HTR2A: variants seen among roughly 807,000 people sequenced by gnomAD.
The protein encoded by HTR2A is 5-HT2 receptor.
Under a neutral mutation model 31.0 loss-of-function variants are expected in HTR2A, and 14 were observed. The observed-to-expected ratio is 0.45, with a 90% CI of 0.30 to 0.71. The LOEUF (loss-of-function observed/expected upper bound fraction) is 0.71, where lower values mean the gene tolerates loss of function less well. Among genes scored for constraint, HTR2A ranks in the 30% least tolerant of loss-of-function variants. HTR2A has a pLI of 0.09. For missense variants in HTR2A, 442 were observed against 573.3 expected (o/e 0.77, Z 2.34); for synonymous variants, 209 against 225.2 (o/e 0.93, Z 0.64).
At position 46,886,094 on chromosome 13, in the gene HTR2A, A is replaced by G. The variant is rs117645639; in HGVS notation, c.613+6296T>C. On this transcript the variant is annotated intron_variant, in intron 3 of 3. Coordinates refer to ENST00000542664, the MANE Select transcript of HTR2A (RefSeq NM_000621.5). ...TTATGTATATATTCTTCTTTATGGC[A>G]TCTGCATTTTTTGACTTGCTTTTAA... Among the ~76,000 whole-genome samples the G allele has an allele frequency of 5.1e-3, 771 of 152,292 alleles. 5 individuals carry two copies. Among genetic ancestry groups the G allele is most frequent in the Non-Finnish European group, 6.9e-3 (469 of 68,026 alleles).
At position 46,831,638 on chromosome 13, in the gene HTR2A, T is replaced by C. The variant is rs1281188536; in HGVS notation, c.*3199A>G. 1 of 152,264 alleles carries C rather than the reference T, an allele frequency of 6.6e-6. No individual in the cohort carries two copies. The highest frequency in any genetic ancestry group is 2.4e-5 in the African/African-American group (1 of 41,476). The allele number at this position is 152,264 out of a possible 1,614,324, so 9.4% of individuals were successfully genotyped here. ...TTAAAATAAGTTCATAAAATAATCT[T>C]CACTGTATTTGTTACATATGGCACA... On this transcript the variant is annotated 3_prime_UTR_variant, in exon 4 of 4. Transcript: ENST00000542664.
At chr13:46,869,682 A>G (rs1427293986) in intron 3 of HTR2A, among the ~76,000 whole-genome samples, 2 of 152,154 alleles carry the variant, frequency 1.3e-5, no homozygotes, top group Non-Finnish European at 1.5e-5. Flanking sequence ...TCAACAGATG[A>G]ATGAATAAAA....
chr13:46,896,662 A>G lies in HTR2A; in HGVS notation c.-329+12T>C, dbSNP rs1951107375. On this transcript the variant is annotated intron_variant, in intron 1 of 3. Coordinates refer to ENST00000542664, the MANE Select transcript of HTR2A (RefSeq NM_000621.5). ...TTACACAGCAATAAAATATAGCGGCATGAGAACTTACATTTGTCTTCAGGG... is the reference window on the plus strand; with the variant it reads ...TTACACAGCAATAAAATATAGCGGCGTGAGAACTTACATTTGTCTTCAGGG... 15 of 1,512,062 alleles carry G rather than the reference A, an allele frequency of 9.9e-6. No homozygotes were observed. Among genetic ancestry groups the G allele is most frequent in the Non-Finnish European group, 1.2e-5 (14 of 1,132,404 alleles). The allele number at this position is 1,512,062 out of a possible 1,614,324, so 93.7% of individuals were successfully genotyped here.
In HTR2A at chr13:46,895,447, G is replaced by A. The variant is rs776610546; in HGVS notation, c.412+48C>T. 1 of 1,563,616 alleles carries A rather than the reference G, an allele frequency of 6.4e-7. No individual in the cohort carries two copies. On this transcript the variant is annotated intron_variant, in intron 2 of 3. Transcript: ENST00000542664. The surrounding 1 kb of genome is among the most constrained non-coding windows in gnomAD (Gnocchi z 4.4). ...TCTCATCTGCTGGTGGCATGCACAT[G>A]CTCTTTATTACCAGTGCGAATATAG...
chr13:46,842,315 A>G (rs1341639248), intron 3 of HTR2A, among the ~76,000 whole-genome samples: 4 of 152,164 alleles, frequency 2.6e-5, no homozygotes, highest in Non-Finnish European at 1.5e-5. Context: ...ATTGGGCCCC[A>G]TCTTGAAAGT....
At chr13:46,855,162 CG>C (rs1254004569) in intron 3 of HTR2A, among the ~76,000 whole-genome samples, 2 of 152,140 alleles carry the variant, frequency 1.3e-5, no homozygotes, top group Non-Finnish European at 2.9e-5. Flanking sequence ...TTCTGACCTC[CG>C]GAACTGTGAC....
chr13:46,834,843 A>G lies in HTR2A; in HGVS notation c.1410T>C (p.Cys470=), dbSNP rs780723077. ...NSDGVNEKVS[C]V ...TGCCACGGCAACTAGCCTATCACAC[A>G]CAGCTCACCTTTTCATTCACTCCGT... is the stretch of plus-strand genomic sequence containing the variant. The change falls in exon 4 of 4, where the codon TGT becomes TGC. Residue 470 remains cysteine (C), a synonymous_variant. Transcript: ENST00000542664. The G allele has an allele frequency of 1.5e-5, 24 of 1,609,404 alleles. No homozygotes were observed. The East Asian group carries it at 5.1e-4, about 34-fold the overall frequency.
chr13:46,858,976 GA>G (rs1950760219), intron 3 of HTR2A, among the ~76,000 whole-genome samples: 2 of 152,174 alleles, frequency 1.3e-5, no homozygotes, highest in Non-Finnish European at 2.9e-5. Flanking sequence ...TCCCTGCAAG[GA>G]ACAGCAATTT....
intron 3 of HTR2A, among the ~76,000 whole-genome samples, chr13:46,866,517 G>T (rs545852550): frequency 6.6e-6 from 1 of 152,298 alleles, no homozygotes; most frequent in South Asian, 2.1e-4. Context: ...TCCCAGACTT[G>T]CCTTGTTAAT....
intron 3 of HTR2A, among the ~76,000 whole-genome samples, chr13:46,874,527 T>C (rs1950891138): frequency 6.6e-6 from 1 of 152,256 alleles, no homozygotes; most frequent in Admixed American, 6.5e-5. Flanking sequence ...CATATTTGTT[T>C]TCTCCCATGT....
intron 3 of HTR2A, among the ~76,000 whole-genome samples, chr13:46,886,029 G>T (rs1236987546): frequency 6.6e-6 from 1 of 151,930 alleles, no homozygotes; most frequent in African/African-American, 2.4e-5. Flanking sequence ...GTTTAACTTT[G>T]CTTACACTGA....
intron 3 of HTR2A, among the ~76,000 whole-genome samples, chr13:46,844,206 G>A (rs1033886965): frequency 5.3e-5 from 8 of 152,108 alleles, no homozygotes; most frequent in African/African-American, 4.8e-5. Flanking sequence ...TCCCAGCATC[G>A]AATGTGCTTC....
intron 3 of HTR2A, among the ~76,000 whole-genome samples, chr13:46,872,477 CTTTA>C (rs72366344): frequency 0.46 from 70,220 of 151,638 alleles, 16,444 homozygotes; most frequent in East Asian, 0.73. Flanking sequence ...GCTAGCTTCT[CTTTA>C]TTCTAGAGTT....
At chr13:46,856,109 A>AC (rs1446135527) in intron 3 of HTR2A, 2 of 152,228 alleles carry the variant, frequency 1.3e-5, no homozygotes, top group Non-Finnish European at 2.9e-5. Flanking sequence ...AGTGCTCTGG[A>AC]CAGTGGGTGG....
intron 3 of HTR2A, among the ~76,000 whole-genome samples, chr13:46,888,865 T>C (rs1951029405): frequency 6.6e-6 from 1 of 152,182 alleles, no homozygotes; most frequent in Non-Finnish European, 1.5e-5. Context: ...TTGTAATCAT[T>C]GAAGTAATTT....
At chr13:46,876,558 T>C (rs796407730) in intron 3 of HTR2A, among the ~76,000 whole-genome samples, 27 of 151,324 alleles carry the variant, frequency 1.8e-4, no homozygotes, top group African/African-American at 6.3e-4. Context: ...TACAAGCGCC[T>C]GCCACCACGC....
At chr13:46,864,688 G>T (rs1426470102) in intron 3 of HTR2A, among the ~76,000 whole-genome samples, 1 of 152,146 alleles carries the variant, frequency 6.6e-6, no homozygotes, top group Non-Finnish European at 1.5e-5. Context: ...AGCTAACACA[G>T]ATGTTCACCC....
chr13:46,894,194 G>A (rs996324618), intron 2 of HTR2A, among the ~76,000 whole-genome samples: 2 of 152,188 alleles, frequency 1.3e-5, no homozygotes, highest in African/African-American at 4.8e-5. Context: ...GCCTAGGGAG[G>A]GGCGGGGCTC....
At chr13:46,882,945 A>G (rs1481321887) in intron 3 of HTR2A, among the ~76,000 whole-genome samples, 2 of 152,216 alleles carry the variant, frequency 1.3e-5, no homozygotes. Flanking sequence ...ATCACCAGGA[A>G]CCTGAGACAC....
Sources: allele counts gnomAD v4.1 joint callset (sites outside exome capture counted in the v4.1 genomes callset), GRCh38; gene constraint gnomAD v4.1.1; non-coding constraint Gnocchi (gnomAD v3.1); transcripts MANE v1.5; gene names NCBI Gene and HGNC (gene_info 2026-07-23, HGNC 2026-07-21).